The following USPL1 variants were observed in gnomAD, a reference collection of about 807,000 sequenced individuals.
USPL1 encodes SUMO-specific isopeptidase USPL1.
In USPL1, 27 loss-of-function variants were observed where a neutral mutation model predicts 51.5. That is an observed-to-expected ratio of 0.52 (90% CI 0.39 to 0.72). The LOEUF is 0.72. Ranked by LOEUF, USPL1 falls within the 30% of genes least tolerant of loss-of-function variation. The pLI is 0.00. For missense variants in USPL1, 1,226 were observed against 1,268.0 expected, an observed-to-expected ratio of 0.97 and a Z score of 0.50; for synonymous variants, 451 against 459.6, an observed-to-expected ratio of 0.98 and a Z score of 0.24.
intron 7 of USPL1, among the ~76,000 whole-genome samples, chr13:30,647,341 T>C (rs914895723): frequency 6.6e-6 from 1 of 152,150 alleles, no homozygotes; most frequent in Non-Finnish European, 1.5e-5. Flanking sequence ...CTTCAGTTTT[T>C]CTCTCCTCTG....
At chr13:30,646,210 GA>G in intron 6 of USPL1, among the ~76,000 whole-genome samples, 1 of 152,256 alleles carries the variant, frequency 6.6e-6, no homozygotes, top group East Asian at 1.9e-4. Flanking sequence ...TATTAAAGTG[GA>G]TGCAGTTGAG....
chr13:30,632,903 ATAGGATACT>A (rs1950826331), intron 4 of USPL1, among the ~76,000 whole-genome samples: 1 of 152,216 alleles, frequency 6.6e-6, no homozygotes, highest in Non-Finnish European at 1.5e-5. Flanking sequence ...TCTCTGTAAA[ATAGGATACT>A]TATGAACCCA....
At chr13:30,630,429 C>T (rs139040414) in intron 3 of USPL1, among the ~76,000 whole-genome samples, 8 of 152,274 alleles carry the variant, frequency 5.3e-5, no homozygotes, top group African/African-American at 1.4e-4. Flanking sequence ...TTACTCTGTG[C>T]ACTTTTAATT....
intron 3 of USPL1, among the ~76,000 whole-genome samples, chr13:30,625,762 G>A (rs1391328154): frequency 6.6e-6 from 1 of 152,008 alleles, no homozygotes; most frequent in Non-Finnish European, 1.5e-5. Context: ...GGTTTTTGAA[G>A]CATTCTTTTT....
intron 3 of USPL1, among the ~76,000 whole-genome samples, chr13:30,625,528 C>T (rs1189277001): frequency 6.6e-6 from 1 of 150,566 alleles, no homozygotes. Flanking sequence ...TCACCGCAAC[C>T]TCCGACTCCC....
rs193084665 is a variant in USPL1, at chr13:30,650,814, A to G, written c.1239-2334A>G. Among the ~76,000 whole-genome samples the G allele has an allele frequency of 2.7e-3, 408 of 151,728 alleles. 1 individual carries two copies. The highest frequency in any genetic ancestry group is 0.014 in the Middle Eastern group (4 of 294). On this transcript the variant is annotated intron_variant, in intron 7 of 8. Transcript: ENST00000255304. Reference sequence around the variant, plus strand: ...AGACCAATCTGGCCAACATGGTGAAACCCCATCTCTACTAAAAATACAAAA... The same window carrying G: ...AGACCAATCTGGCCAACATGGTGAAGCCCCATCTCTACTAAAAATACAAAA...
intron 7 of USPL1, among the ~76,000 whole-genome samples, 176 bp from the exon 8 acceptor site, chr13:30,652,968 ATACT>A (rs1951110372): frequency 6.6e-6 from 1 of 152,224 alleles, no homozygotes; most frequent in African/African-American, 2.4e-5. Flanking sequence ...TTAGTGTTAC[ATACT>A]TCTTAGAGAG....
At chr13:30,636,356 T>C (rs1205826658) in intron 4 of USPL1, among the ~76,000 whole-genome samples, 1 of 152,218 alleles carries the variant, frequency 6.6e-6, no homozygotes, top group East Asian at 1.9e-4. Context: ...TAAGTTTTTT[T>C]TTTTGGCATG....
chr13:30,625,943 G>A (rs889359615), intron 3 of USPL1, among the ~76,000 whole-genome samples: 4 of 152,136 alleles, frequency 2.6e-5, no homozygotes, highest in Non-Finnish European at 5.9e-5. Context: ...CAGACATTTT[G>A]TATGATGCAC....
chr13:30,653,239 C>T lies in USPL1; in HGVS notation c.1330C>T (p.Gln444Ter). The T allele has an allele frequency of 6.2e-7, 1 of 1,612,768 alleles. No homozygotes were observed. The highest frequency in any genetic ancestry group is 8.5e-7 in the Non-Finnish European group (1 of 1,179,180). Residue 444 changes from glutamine to a stop codon, truncating the protein, a stop_gained, in exon 8 of 9, where the codon CAG becomes TAG. Transcript: ENST00000255304. LOFTEE classifies it high-confidence loss of function. ...ATTTCATTTTGAAGGCTGTCTTTAT[C>T]AGATAACTTCTGTAATTCAGTATCG... ...YAFHFEGCLY[Q>*]ITSVIQYRAN...
intron 3 of USPL1, among the ~76,000 whole-genome samples, chr13:30,628,627 G>A (rs1950756868): frequency 6.6e-6 from 1 of 152,222 alleles, no homozygotes; most frequent in Non-Finnish European, 1.5e-5. Context: ...TTACGAGTGA[G>A]AACATGCGGT....
intron 5 of USPL1, among the ~76,000 whole-genome samples, chr13:30,641,293 G>A (rs1276926116): frequency 6.6e-6 from 1 of 152,236 alleles, no homozygotes; most frequent in African/African-American, 2.4e-5. Flanking sequence ...TCCTGCCAAG[G>A]TGACTGTTCC....
At chr13:30,648,943 G>T (rs1230035404) in intron 7 of USPL1, among the ~76,000 whole-genome samples, 1 of 152,158 alleles carries the variant, frequency 6.6e-6, no homozygotes, top group Non-Finnish European at 1.5e-5. Context: ...TGGTGTATAT[G>T]ATTTCATCTA....
chr13:30,649,067 A>G (rs1044026581), intron 7 of USPL1, among the ~76,000 whole-genome samples: 2 of 152,216 alleles, frequency 1.3e-5, no homozygotes, highest in Non-Finnish European at 2.9e-5. Flanking sequence ...TAACTATACA[A>G]ATAAGTTGCT....
chr13:30,657,757 T>G lies in USPL1; in HGVS notation c.1680T>G (p.Leu560=), dbSNP rs767236843. ...ATATATCAGTTGCCCCTCGTACTCT[T>G]TCACAGGACACAGCTGTAACTCATG... ...PKDISVAPRT[L]SQDTAVTHGD... Residue 560 remains leucine (L), a synonymous_variant, in exon 9 of 9, where the codon CTT becomes CTG. Transcript: ENST00000255304. 17 of 1,614,164 alleles carry G rather than the reference T, an allele frequency of 1.1e-5. No individual in the cohort carries two copies. The highest frequency in any genetic ancestry group is 1.1e-5 in the Non-Finnish European group (13 of 1,180,026).
chr13:30,620,105 T>C (rs1950628644), intron 1 of USPL1, among the ~76,000 whole-genome samples: 1 of 152,220 alleles, frequency 6.6e-6, no homozygotes, highest in Non-Finnish European at 1.5e-5. Context: ...AGTTTTATTT[T>C]TGAAATTATT....
rs746243356 is a variant in USPL1 at position 30,659,656 on chromosome 13, A to G, written c.*300A>G. On this transcript the variant is annotated 3_prime_UTR_variant, in exon 9 of 9. Transcript: ENST00000255304. The stretch of plus-strand genomic sequence containing the variant: ...GACAGTTTGTACAGTTGGATGCATT[A>G]CATTTTTAGATTTGAAGTTTTGGTT... 3.8e-5 allele frequency: 9 copies of G among 237,818 alleles called. No individual in the cohort carries two copies. The highest frequency in any genetic ancestry group is 4.5e-5 in the African/African-American group (2 of 44,114). 14.7% of individuals were successfully genotyped at this position (237,818 alleles called of 1,614,324 possible).
At chr13:30,636,424 T>C (rs1034018068) in intron 4 of USPL1, among the ~76,000 whole-genome samples, 4 of 152,154 alleles carry the variant, frequency 2.6e-5, no homozygotes, top group Non-Finnish European at 5.9e-5. Context: ...AATCCAGATA[T>C]TTCATTAGGG....
rs3759511 is a variant in USPL1, at chr13:30,637,717, T to C, written c.869-27T>C. 5.7e-4 allele frequency: 866 copies of C among 1,522,322 alleles called. 8 individuals are homozygous for C. In the East Asian group the frequency reaches 0.018, roughly 32 times the overall value. The allele number at this position is 1,522,322 out of a possible 1,614,324, so 94.3% of individuals were successfully genotyped here. On this transcript the variant is annotated intron_variant, in intron 4 of 8. Coordinates refer to ENST00000255304, the MANE Select transcript of USPL1 (RefSeq NM_005800.5). ...TGGGAAGATATACATTGATGAGGAATTGATAATGTTCTCTGTATTTTCTTA... is the reference window on the plus strand; with the variant it reads ...TGGGAAGATATACATTGATGAGGAACTGATAATGTTCTCTGTATTTTCTTA...
Sources: allele counts gnomAD v4.1 joint callset (sites outside exome capture counted in the v4.1 genomes callset), GRCh38; gene constraint gnomAD v4.1.1; transcripts MANE v1.5; gene names NCBI Gene and HGNC (gene_info 2026-07-23, HGNC 2026-07-21).